Variants in FER observed in about 807,000 individuals in gnomAD.
FER encodes the protein FER tyrosine kinase, also known as tyrosine-protein kinase Fer.
A neutral mutation model predicts 111.0 loss-of-function variants in FER; 63 were observed. The ratio of observed to expected loss-of-function variants is 0.57; its 90% CI spans 0.46 to 0.70. The LOEUF (loss-of-function observed/expected upper bound fraction) is 0.70. Ranked by LOEUF, FER falls within the 30% of genes least tolerant of loss-of-function variation. The pLI, the probability that FER is intolerant of heterozygous loss-of-function variation, is 0.00. For synonymous variants in FER, 327 were observed against 313.9 expected (o/e 1.04, Z -0.44); for missense variants, 914 against 954.0 (o/e 0.96, Z 0.55).
intron 17 of FER, among the ~76,000 whole-genome samples, chr5:109,129,438 A>G (rs1216347023): frequency 6.6e-6 from 1 of 152,152 alleles, no homozygotes; most frequent in Non-Finnish European, 1.5e-5. Flanking sequence ...CCTGTATCAT[A>G]TAGTAATTTT....
At chr5:108,900,534 A>T (rs1749855980) in intron 10 of FER, among the ~76,000 whole-genome samples, 1 of 152,204 alleles carries the variant, frequency 6.6e-6, no homozygotes, top group South Asian at 2.1e-4. Context: ...TAAGAGACTT[A>T]TTTGAATATT....
At chr5:109,180,205 C>T (rs1758140010) in intron 17 of FER, among the ~76,000 whole-genome samples, 2 of 152,100 alleles carry the variant, frequency 1.3e-5, no homozygotes, top group Admixed American at 6.6e-5. Context: ...AAAAGAGTTG[C>T]CAAACTCTCT....
intron 1 of FER, among the ~76,000 whole-genome samples, chr5:108,757,009 T>C (rs1263218296): frequency 6.6e-6 from 1 of 152,202 alleles, no homozygotes; most frequent in Non-Finnish European, 1.5e-5. Context: ...TGCATGTTCT[T>C]TTTGTGATCT....
chr5:109,029,220 C>CT (rs558664340), intron 13 of FER, among the ~76,000 whole-genome samples: 1,321 of 109,912 alleles, frequency 0.012, 16 homozygotes, highest in African/African-American at 0.035. Context: ...TTTAGGCTTT[C>CT]TTTTTTTTTT....
At chr5:108,825,421 G>C (rs1580739387) in intron 3 of FER, among the ~76,000 whole-genome samples, 1 of 152,218 alleles carries the variant, frequency 6.6e-6, no homozygotes, top group African/African-American at 2.4e-5. Context: ...TGAAAGAAGA[G>C]AAATATGGCT....
intron 10 of FER, among the ~76,000 whole-genome samples, chr5:108,905,639 C>T (rs937275318): frequency 3.9e-5 from 6 of 151,994 alleles, no homozygotes; most frequent in African/African-American, 7.2e-5. Context: ...AGGATTTGGT[C>T]GGAGACATGA....
intron 5 of FER, among the ~76,000 whole-genome samples, chr5:108,840,797 A>G (rs1761183565): frequency 1.3e-5 from 2 of 152,156 alleles, no homozygotes; most frequent in South Asian, 4.1e-4. Context: ...GTCAAGTTTG[A>G]TTTCTTTAGT....
chr5:109,039,536 T>C (rs1770865575), intron 14 of FER, among the ~76,000 whole-genome samples: 1 of 152,160 alleles, frequency 6.6e-6, no homozygotes. Flanking sequence ...TTACTAGTTG[T>C]AGTTGCTGTT....
chr5:109,023,729 T>A (rs1457419730), intron 13 of FER, among the ~76,000 whole-genome samples: 1 of 152,078 alleles, frequency 6.6e-6, no homozygotes, highest in Non-Finnish European at 1.5e-5. Flanking sequence ...ATTGTTTCAC[T>A]CACCCTATCT....
intron 9 of FER, among the ~76,000 whole-genome samples, chr5:108,890,349 A>G (rs1272229606): frequency 1.3e-5 from 2 of 152,136 alleles, no homozygotes; most frequent in Non-Finnish European, 2.9e-5. Flanking sequence ...TTAAAGCAAC[A>G]TAATTTTATT....
intron 17 of FER, among the ~76,000 whole-genome samples, chr5:109,146,256 A>ATATATATATTATCTATCTATCTATC (rs1437654039): frequency 5.7e-5 from 3 of 52,732 alleles, no homozygotes; most frequent in African/African-American, 2.9e-4. Context: ...TCTATCTAAT[A>ATATATATATTATCTATCTATCTATC]TATATATATA....
At chr5:109,181,396 G>A (rs968964549) in intron 18 of FER, among the ~76,000 whole-genome samples, 2 of 152,050 alleles carry the variant, frequency 1.3e-5, no homozygotes, top group East Asian at 1.9e-4. Context: ...ATTTTAAAAC[G>A]GCAGGGATTT....
intron 1 of FER, among the ~76,000 whole-genome samples, chr5:108,767,318 C>CAAAT (rs532173764): frequency 1.3e-5 from 2 of 152,070 alleles, no homozygotes; most frequent in Non-Finnish European, 2.9e-5. Context: ...AACAAACAAG[C>CAAAT]AAATAAATAA....
intron 17 of FER, among the ~76,000 whole-genome samples, chr5:109,104,697 A>G (rs1036198901): frequency 3.3e-5 from 5 of 152,168 alleles, no homozygotes; most frequent in African/African-American, 1.2e-4. Context: ...AATTTACAAA[A>G]CCCTAAAAAA....
intron 10 of FER, among the ~76,000 whole-genome samples, chr5:108,907,039 A>C (rs1404956299): frequency 2.0e-5 from 3 of 152,156 alleles, no homozygotes; most frequent in Admixed American, 2.0e-4. Context: ...TTCACCCGCT[A>C]AACTACAATG....
chr5:109,019,631 C>A (rs925236417), intron 13 of FER, among the ~76,000 whole-genome samples: 9 of 151,718 alleles, frequency 5.9e-5, no homozygotes, highest in Non-Finnish European at 8.9e-5. Flanking sequence ...AGACATCAGT[C>A]ATGTTTTACA....
At chr5:108,960,496 T>C (rs959356049) in intron 13 of FER, among the ~76,000 whole-genome samples, 2 of 151,944 alleles carry the variant, frequency 1.3e-5, no homozygotes, top group Non-Finnish European at 2.9e-5. Flanking sequence ...ACCAAAACCA[T>C]AAAAAATTCT....
chr5:109,007,452 C>G (rs1033275834), intron 13 of FER, among the ~76,000 whole-genome samples: 2 of 120,418 alleles, frequency 1.7e-5, no homozygotes, highest in Non-Finnish European at 4.0e-5. Flanking sequence ...CAAAATTATT[C>G]TATGCCCCTT....
intron 2 of FER, among the ~76,000 whole-genome samples, chr5:108,774,859 G>A (rs1408547439): frequency 2.0e-5 from 3 of 152,034 alleles, no homozygotes; most frequent in Non-Finnish European, 2.9e-5. Context: ...TCACTCTGAT[G>A]ATAGTTTCTT....
Sources: allele counts gnomAD v4.1 joint callset (sites outside exome capture counted in the v4.1 genomes callset), GRCh38; gene constraint gnomAD v4.1.1; transcripts MANE v1.5; gene names NCBI Gene and HGNC (gene_info 2026-07-23, HGNC 2026-07-21).